The following KPNA6 variants were observed in gnomAD, a reference collection of about 807,000 sequenced individuals.
KPNA6 encodes karyopherin subunit alpha 6.
Under a neutral mutation model 72.0 loss-of-function variants are expected in KPNA6, and 9 were observed. The observed-to-expected ratio is 0.13, with a 90% CI of 0.08 to 0.22. The LOEUF (loss-of-function observed/expected upper bound fraction) is 0.22, where lower values mean the gene tolerates loss of function less well. Ranked by LOEUF, KPNA6 falls within the 10% of genes least tolerant of loss-of-function variation. KPNA6 has a pLI of 1.00. For synonymous variants in KPNA6, 219 were observed against 242.1 expected (o/e 0.90, Z 0.89); for missense variants, 374 against 655.7 (o/e 0.57, Z 4.69).
At chr1:32,142,764 G>A (rs898182135) in intron 1 of KPNA6, among the ~76,000 whole-genome samples, 1 of 152,168 alleles carries the variant, frequency 6.6e-6, no homozygotes, top group Non-Finnish European at 1.5e-5. Flanking sequence ...AAGTAAGGGA[G>A]TACATAATGG....
intron 12 of KPNA6, among the ~76,000 whole-genome samples, chr1:32,167,911 A>T (rs958619059): frequency 2.0e-5 from 3 of 151,692 alleles, no homozygotes; most frequent in Non-Finnish European, 4.4e-5. Context: ...CATGTCTGTT[A>T]TCCCAGCACC....
At chr1:32,160,884 T>TG (rs1642226150) in intron 7 of KPNA6, among the ~76,000 whole-genome samples, 181 bp downstream of exon 7, 1 of 152,134 alleles carries the variant, frequency 6.6e-6, no homozygotes, top group Non-Finnish European at 1.5e-5. Context: ...TGGCCGGGCA[T>TG]GGTGGCTTAT....
intron 1 of KPNA6, among the ~76,000 whole-genome samples, chr1:32,153,062 TTAGA>T (rs1022046909): frequency 6.7e-6 from 1 of 148,516 alleles, no homozygotes; most frequent in African/African-American, 2.5e-5. Context: ...ATTTAATTAC[TTAGA>T]TATACAACTT....
chr1:32,152,952 G>T lies in KPNA6; in HGVS notation c.5-1636G>T, dbSNP rs1260479682. ...AATCACATGAACCCAGGAGGCGGAGGGTTGCAGTGAGCCAAGATCGCGCCA... is the reference window on the plus strand; with the variant it reads ...AATCACATGAACCCAGGAGGCGGAGTGTTGCAGTGAGCCAAGATCGCGCCA... On this transcript the variant is annotated intron_variant, in intron 1 of 13. Transcript: ENST00000373625. 1.7e-4 allele frequency among the ~76,000 whole-genome samples: 26 copies of T among 148,656 alleles called. No individual in the cohort carries two copies. The Admixed American group carries it at 1.8e-3, about 10-fold the overall frequency.
chr1:32,126,138 G>A (rs1013078378), intron 1 of KPNA6, among the ~76,000 whole-genome samples: 11 of 151,554 alleles, frequency 7.3e-5, no homozygotes, highest in Non-Finnish European at 1.6e-4. Flanking sequence ...CTCCTGCCTC[G>A]GCCTCCTAAA....
At chr1:32,146,491 T>C (rs950236687) in intron 1 of KPNA6, among the ~76,000 whole-genome samples, 1 of 152,184 alleles carries the variant, frequency 6.6e-6, no homozygotes, top group African/African-American at 2.4e-5. Flanking sequence ...GTTTTTTGGA[T>C]ATTTCCTAGT....
intron 1 of KPNA6, among the ~76,000 whole-genome samples, chr1:32,143,869 C>T (rs1641885382): frequency 1.3e-5 from 2 of 152,282 alleles, no homozygotes; most frequent in South Asian, 4.1e-4. Flanking sequence ...TCACTTAGCA[C>T]ATTAATTTCA....
chr1:32,124,495 G>A (rs551534103), intron 1 of KPNA6, among the ~76,000 whole-genome samples: 1 of 149,818 alleles, frequency 6.7e-6, no homozygotes, highest in East Asian at 2.0e-4. Flanking sequence ...GGGCAACATA[G>A]TGAGGCCTCA....
intron 12 of KPNA6, 86 bp downstream of exon 12, chr1:32,167,382 C>T (rs972545518): frequency 3.7e-5 from 56 of 1,496,964 alleles, no homozygotes; most frequent in Non-Finnish European, 4.9e-5. Context: ...ATAAACTGCT[C>T]TTGCTCAGAC....
chr1:32,165,524 C>CA (rs920358384), intron 10 of KPNA6, among the ~76,000 whole-genome samples: 404 of 137,664 alleles, frequency 2.9e-3, no homozygotes, highest in South Asian at 9.8e-3. Context: ...CCTGTCTCTA[C>CA]AAAAAAAAAA....
rs1642476997 is a variant in KPNA6 at position 32,173,615 on chromosome 1, TATC to T, written c.*2725_*2727del. On this transcript the variant is annotated 3_prime_UTR_variant, in exon 14 of 14. Transcript: ENST00000373625. Reference sequence around the variant, plus strand: ...TTCTTCCAGCCCACAGAGGTAGTAATATCATCTTTTCTATCTCCTCCTCTCCTT... The same window carrying T: ...TTCTTCCAGCCCACAGAGGTAGTAATATCTTTTCTATCTCCTCCTCTCCTT... 1 of 152,424 alleles carries T rather than the reference TATC, an allele frequency of 6.6e-6. No individual in the cohort carries two copies. Among genetic ancestry groups the T allele is most frequent in the South Asian group, 2.1e-4 (1 of 4,836 alleles). The allele number at this position is 152,424 out of a possible 1,614,324, so 9.4% of individuals were successfully genotyped here. A position where few individuals can be genotyped will look rare whatever the true frequency, so the allele number is the denominator to read the frequency against.
chr1:32,154,174 T>C (rs970600946), intron 1 of KPNA6, among the ~76,000 whole-genome samples: 1 of 151,614 alleles, frequency 6.6e-6, no homozygotes, highest in African/African-American at 2.4e-5. Context: ...TTTCTCAAAG[T>C]ATGGTCTGCA....
chr1:32,142,117 G>A (rs1349636866), intron 1 of KPNA6, among the ~76,000 whole-genome samples: 2 of 151,894 alleles, frequency 1.3e-5, no homozygotes, highest in Non-Finnish European at 2.9e-5. Context: ...TTAGCCAGGC[G>A]TGCTGGCCCG....
intron 1 of KPNA6, 33 bp downstream of exon 1, chr1:32,108,167 G>A: frequency 6.2e-7 from 1 of 1,613,790 alleles, no homozygotes; most frequent in South Asian, 1.1e-5. Context: ...AGGGTTCTTG[G>A]GCTCAGGGAG....
chr1:32,168,885 G>C (rs188654942), intron 12 of KPNA6, among the ~76,000 whole-genome samples: 1 of 152,132 alleles, frequency 6.6e-6, no homozygotes. Context: ...GAATTAGGGA[G>C]CCTGTGAAAA....
chr1:32,148,991 C>G (rs1006323740), intron 1 of KPNA6, among the ~76,000 whole-genome samples: 7 of 152,108 alleles, frequency 4.6e-5, no homozygotes, highest in African/African-American at 1.4e-4. Context: ...CCGTGCCGGC[C>G]ATATTGGTCC....
intron 2 of KPNA6, among the ~76,000 whole-genome samples, chr1:32,156,576 G>A (rs55887723): frequency 0.13 from 19,667 of 152,100 alleles, 1,681 homozygotes; most frequent in South Asian, 0.25. Context: ...ACAAGATAGC[G>A]TGAAACTTCA....
chr1:32,139,354 G>A (rs976350539), intron 1 of KPNA6, among the ~76,000 whole-genome samples: 13 of 152,136 alleles, frequency 8.5e-5, no homozygotes, highest in Admixed American at 1.3e-4. Context: ...AAGGAAAAGC[G>A]TTGAAGGCAA....
At chr1:32,124,063 C>G (rs960039620) in intron 1 of KPNA6, among the ~76,000 whole-genome samples, 3 of 138,712 alleles carry the variant, frequency 2.2e-5, no homozygotes, top group African/African-American at 8.0e-5. Flanking sequence ...AAAGGAATGA[C>G]TAAACAAAAT....
Sources: allele counts gnomAD v4.1 joint callset (sites outside exome capture counted in the v4.1 genomes callset), GRCh38; gene constraint gnomAD v4.1.1; transcripts MANE v1.5; gene names NCBI Gene and HGNC (gene_info 2026-07-23, HGNC 2026-07-21).